The following ROBO1 variants were observed in gnomAD, a reference collection of about 807,000 sequenced individuals.
ROBO1 encodes roundabout homolog 1.
In ROBO1, 149 loss-of-function variants were observed where a neutral mutation model predicts 195.9. The ratio of observed to expected loss-of-function variants is 0.76; its 90% CI spans 0.67 to 0.87. The LOEUF is 0.87. Ranked by LOEUF, ROBO1 falls within the 40% of genes least tolerant of loss-of-function variation. The probability of loss-of-function intolerance (pLI) is 0.00; values close to 1 mark genes in which losing one functional copy is unlikely to be tolerated. For missense variants in ROBO1, 1,933 were observed against 2,068.3 expected (o/e 0.93, Z 1.27); for synonymous variants, 816 against 733.2 (o/e 1.11, Z -1.82).
At chr3:79,269,427 T>C (rs2030315115) in intron 2 of ROBO1, among the ~76,000 whole-genome samples, 1 of 151,686 alleles carries the variant, frequency 6.6e-6, no homozygotes, top group Admixed American at 6.6e-5. Flanking sequence ...TGTAACATGG[T>C]CACACAAAAT....
intron 2 of ROBO1, among the ~76,000 whole-genome samples, chr3:79,369,009 A>ATACC (rs2036083053): frequency 6.6e-6 from 1 of 152,218 alleles, no homozygotes. Context: ...AGAAACACTT[A>ATACC]TTGTGCATAA....
chr3:78,614,629 T>A lies in ROBO1; in HGVS notation c.4435+19A>T, dbSNP rs1703999102. ...TAGGCGAGATTCATAGACGTTTTCA[T>A]CCGTGTCAATGGACTCACCATCTGT... On this transcript the variant is annotated intron_variant, in intron 28 of 30. Coordinates refer to ENST00000464233, the MANE Select transcript of ROBO1 (RefSeq NM_002941.4). 34 of 1,612,250 alleles carry A rather than the reference T, an allele frequency of 2.1e-5. No individual in the cohort carries two copies. Among genetic ancestry groups the A allele is most frequent in the Non-Finnish European group, 2.9e-5 (34 of 1,178,832 alleles).
chr3:79,294,949 CAG>C (rs1259639650), intron 2 of ROBO1, among the ~76,000 whole-genome samples: 2 of 152,164 alleles, frequency 1.3e-5, no homozygotes, highest in African/African-American at 4.8e-5. Flanking sequence ...CAGTAAACAA[CAG>C]ATGCTGGAGA....
intron 4 of ROBO1, among the ~76,000 whole-genome samples, chr3:78,765,203 TTAATC>T (rs1354177158): frequency 2.6e-5 from 4 of 152,090 alleles, no homozygotes; most frequent in Admixed American, 2.0e-4. Context: ...ATATTGTTGT[TTAATC>T]TAAGTCTTGC....
At chr3:78,821,285 C>T (rs2030905358) in intron 4 of ROBO1, among the ~76,000 whole-genome samples, 1 of 151,540 alleles carries the variant, frequency 6.6e-6, no homozygotes, top group Non-Finnish European at 1.5e-5. Context: ...CCTGCCTCAG[C>T]CTCCCGAGTA....
intron 4 of ROBO1, among the ~76,000 whole-genome samples, chr3:78,837,144 T>A (rs891032035): frequency 6.6e-6 from 1 of 152,186 alleles, no homozygotes; most frequent in African/African-American, 2.4e-5. Context: ...ACATTAAGTG[T>A]TGGTTCATCA....
At chr3:79,063,097 A>G (rs1473983586) in intron 3 of ROBO1, among the ~76,000 whole-genome samples, 2 of 151,962 alleles carry the variant, frequency 1.3e-5, no homozygotes, top group African/African-American at 4.8e-5. Context: ...TGCTGCAACT[A>G]CACAACTCTG....
intron 1 of ROBO1, among the ~76,000 whole-genome samples, chr3:79,603,192 A>T (rs1413914626): frequency 6.6e-6 from 1 of 151,952 alleles, no homozygotes; most frequent in African/African-American, 2.4e-5. Context: ...AAAATGGCTT[A>T]TTGCAAGTTC....
intron 8 of ROBO1, among the ~76,000 whole-genome samples, chr3:78,709,109 T>C (rs939984805): frequency 1.3e-5 from 2 of 152,184 alleles, no homozygotes; most frequent in Admixed American, 1.3e-4. Flanking sequence ...ATGGTTAACA[T>C]GTATAGGTAA....
chr3:79,341,661 T>C (rs1035417094), intron 2 of ROBO1, among the ~76,000 whole-genome samples: 11 of 152,104 alleles, frequency 7.2e-5, no homozygotes, highest in Admixed American at 1.3e-4. Flanking sequence ...ATTTTTTATG[T>C]TCTATTGTCT....
chr3:79,256,085 T>A (rs1187390535), intron 2 of ROBO1, among the ~76,000 whole-genome samples: 1 of 152,222 alleles, frequency 6.6e-6, no homozygotes, highest in Non-Finnish European at 1.5e-5. Flanking sequence ...TTCATTCTAA[T>A]GGTTTTTGTT....
At chr3:79,134,023 C>T (rs1378231439) in intron 2 of ROBO1, among the ~76,000 whole-genome samples, 1 of 150,860 alleles carries the variant, frequency 6.6e-6, no homozygotes, top group Non-Finnish European at 1.5e-5. Context: ...CAACAAAAGC[C>T]AAAATTGACA....
chr3:78,938,460 T>G, intron 4 of ROBO1, 141 bp downstream of exon 4: 2 of 648,962 alleles, frequency 3.1e-6, no homozygotes, highest in Non-Finnish European at 5.1e-6. Context: ...ACCGAAATAG[T>G]AGATTGTATT....
At chr3:79,562,195 G>T (rs1942944590) in intron 2 of ROBO1, among the ~76,000 whole-genome samples, 1 of 151,818 alleles carries the variant, frequency 6.6e-6, no homozygotes, top group African/African-American at 2.4e-5. Context: ...ATGCACTATT[G>T]TTGTAAAGAT....
intron 2 of ROBO1, among the ~76,000 whole-genome samples, chr3:79,424,216 G>A (rs2038347577): frequency 6.6e-6 from 1 of 151,994 alleles, no homozygotes; most frequent in Admixed American, 6.6e-5. Flanking sequence ...TACTTGACCT[G>A]GGAAAAGGTG....
intron 1 of ROBO1, among the ~76,000 whole-genome samples, chr3:79,712,425 C>T (rs1418473474): frequency 6.6e-6 from 1 of 152,146 alleles, no homozygotes; most frequent in Non-Finnish European, 1.5e-5. Flanking sequence ...AAAACCTAAT[C>T]TAGAGCAAGG....
At chr3:78,949,896 A>C (rs1560038823) in intron 3 of ROBO1, among the ~76,000 whole-genome samples, 3 of 152,214 alleles carry the variant, frequency 2.0e-5, no homozygotes, top group Admixed American at 2.0e-4. Context: ...ATGCAGCCAA[A>C]ATCACATGAA....
intron 2 of ROBO1, among the ~76,000 whole-genome samples, chr3:79,438,975 T>A (rs1409814010): frequency 5.9e-5 from 9 of 152,072 alleles, no homozygotes; most frequent in Admixed American, 1.3e-4. Context: ...TTGCTCATTG[T>A]CACCACAATC....
intron 1 of ROBO1, among the ~76,000 whole-genome samples, chr3:79,717,832 T>C (rs1702550426): frequency 6.6e-6 from 1 of 152,046 alleles, no homozygotes; most frequent in African/African-American, 2.4e-5. Flanking sequence ...GATGTTTTCA[T>C]GTATATCTTT....
Sources: gnomAD v4.1 joint callset for allele counts (sites outside exome capture counted in the v4.1 genomes callset) on GRCh38, gnomAD v4.1.1 for gene constraint, MANE v1.5 for transcripts, NCBI Gene and HGNC (gene_info 2026-07-23, HGNC 2026-07-21) for gene names.